Variants in GLI2 observed in about 807,000 individuals in gnomAD.
GLI2 encodes GLI family zinc finger 2.
A neutral mutation model predicts 78.9 loss-of-function variants in GLI2; 22 were observed. The observed-to-expected ratio is 0.28, with a 90% CI of 0.20 to 0.40. The LOEUF (loss-of-function observed/expected upper bound fraction) is 0.40. GLI2 is among the 10% of genes least tolerant of loss of function. The probability of loss-of-function intolerance (pLI) is 1.00; values close to 1 mark genes in which losing one functional copy is unlikely to be tolerated. For missense variants in GLI2, 2,097 were observed against 2,213.2 expected, an observed-to-expected ratio of 0.95 and a Z score of 1.05; for synonymous variants, 974 against 963.7, an observed-to-expected ratio of 1.01 and a Z score of -0.20.
rs554533870 is a variant in GLI2 at position 120,752,212 on chromosome 2, C to T, written c.-31+15927C>T. 6.6e-5 allele frequency among the ~76,000 whole-genome samples: 10 copies of T among 151,756 alleles called. No homozygotes were observed. The South Asian group carries it at 2.1e-3, about 32-fold the overall frequency. Reference sequence around the variant, plus strand: ...TCTTGGCATTCTATCCACGTGTGTACATGTATGTATATGTGTGTAGATCAT... The same window carrying T: ...TCTTGGCATTCTATCCACGTGTGTATATGTATGTATATGTGTGTAGATCAT... On this transcript the variant is annotated intron_variant, in intron 1 of 13. Coordinates refer to ENST00000361492, the MANE Select transcript of GLI2 (RefSeq NM_001374353.1).
intron 2 of GLI2, among the ~76,000 whole-genome samples, chr2:120,906,402 C>G (rs549514982): frequency 6.6e-6 from 1 of 152,174 alleles, no homozygotes; most frequent in Non-Finnish European, 1.5e-5. Flanking sequence ...GTGGAGCACC[C>G]AGGGTCCAGA....
chr2:120,925,933 C>T lies in GLI2; in HGVS notation c.149-1428C>T, dbSNP rs775274985. Among the ~76,000 whole-genome samples, 91 of 151,964 alleles carry T rather than the reference C, an allele frequency of 6.0e-4. No individual in the cohort carries two copies. In the Middle Eastern group the frequency reaches 0.01, roughly 17 times the overall value. ...TAAAAATACAAAAAAATTAGCCGGG[C>T]GTGGTGTCGGGCACCTGTGGTCCCA... On this transcript the variant is annotated intron_variant, in intron 2 of 13. Transcript: ENST00000361492.
At chr2:120,840,657 A>G (rs926267383) in intron 2 of GLI2, among the ~76,000 whole-genome samples, 36 of 152,136 alleles carry the variant, frequency 2.4e-4, no homozygotes, top group African/African-American at 8.0e-4. Flanking sequence ...GGCTACAAAC[A>G]CTCAGAAGAT....
rs1683283797 is a variant in GLI2 at position 120,991,240 on chromosome 2, C to G, written c.*565C>G. ...AGATTATACCTGGATGATTCAGGAGCACATTCTGATTCCAGGTTTGGTAGA... is the reference window on the plus strand; with the variant it reads ...AGATTATACCTGGATGATTCAGGAGGACATTCTGATTCCAGGTTTGGTAGA... On this transcript the variant is annotated 3_prime_UTR_variant, in exon 14 of 14. Transcript: ENST00000361492. 6.5e-6 allele frequency: 1 copy of G among 153,188 alleles called. No individual in the cohort carries two copies. Among genetic ancestry groups the G allele is most frequent in the Non-Finnish European group, 1.5e-5 (1 of 68,770 alleles). 9.5% of individuals were successfully genotyped at this position (153,188 alleles called of 1,614,324 possible). A position where few individuals can be genotyped will look rare whatever the true frequency, so the allele number is the denominator to read the frequency against.
intron 2 of GLI2, among the ~76,000 whole-genome samples, chr2:120,881,459 T>TG (rs1677117859): frequency 2.5e-5 from 1 of 40,590 alleles, no homozygotes; most frequent in Non-Finnish European, 4.8e-5. Context: ...CTGTGGAAGG[T>TG]GGACAGGTTG....
At position 120,978,457 on chromosome 2, in the gene GLI2, C is replaced by T. The variant is rs758989556; in HGVS notation, c.1341C>T (p.His447=). The T allele has an allele frequency of 7.4e-6, 12 of 1,614,156 alleles. No homozygotes were observed. The highest frequency in any genetic ancestry group is 2.2e-5 in the East Asian group (1 of 44,880). Residue 447 remains histidine, a synonymous_variant, in exon 10 of 14, where the codon CAC becomes CAT. Coordinates refer to ENST00000361492, the MANE Select transcript of GLI2 (RefSeq NM_001374353.1). ...AGCACATCAACAACGAGCACATCCA[C>T]GGGGAGAAGAAGGAGTTTGTGTGCC... The part of the protein sequence containing the change: ...LVHHINNEHI[H]GEKKEFVCRW...
At chr2:120,940,086 G>A (rs1680383047) in intron 3 of GLI2, among the ~76,000 whole-genome samples, 1 of 152,140 alleles carries the variant, frequency 6.6e-6, no homozygotes, top group South Asian at 2.1e-4. Flanking sequence ...GGAAATGTCT[G>A]TTGGGCTATT....
intron 1 of GLI2, among the ~76,000 whole-genome samples, chr2:120,783,608 C>T (rs1558793823): frequency 6.6e-6 from 1 of 151,964 alleles, no homozygotes; most frequent in Admixed American, 6.6e-5. Context: ...AGTGTCATGC[C>T]AAGAAACCAC....
chr2:120,782,931 T>C (rs1002845055), intron 1 of GLI2, among the ~76,000 whole-genome samples: 1 of 152,144 alleles, frequency 6.6e-6, no homozygotes, highest in African/African-American at 2.4e-5. Context: ...GGGACCTCCA[T>C]GAGGCTCCCC....
intron 2 of GLI2, among the ~76,000 whole-genome samples, chr2:120,879,745 G>A (rs1677020374): frequency 1.3e-5 from 2 of 152,210 alleles, no homozygotes; most frequent in African/African-American, 4.8e-5. Context: ...GGAGTTTGTG[G>A]ACGAAAAGCA....
intron 10 of GLI2, among the ~76,000 whole-genome samples, chr2:120,981,031 C>A (rs1022294515): frequency 1.3e-5 from 2 of 152,158 alleles, no homozygotes; most frequent in African/African-American, 4.8e-5. Context: ...CAGGCACGCA[C>A]CACACGCCTG....
chr2:120,921,884 C>T (rs889153708), intron 2 of GLI2, among the ~76,000 whole-genome samples: 1 of 152,226 alleles, frequency 6.6e-6, no homozygotes, highest in Non-Finnish European at 1.5e-5. Flanking sequence ...AGCCTTCATG[C>T]TGAAATCACT....
intron 2 of GLI2, among the ~76,000 whole-genome samples, chr2:120,917,798 G>A (rs980589819): frequency 1.3e-5 from 2 of 152,172 alleles, no homozygotes; most frequent in South Asian, 2.1e-4. Context: ...CCTTTTAAAC[G>A]GAATTCACAA....
Position 120,988,749 on chromosome 2 carries a change from C to T in GLI2, c.2784C>T (p.Thr928=). ...LGPRRGSDGP[T]YGHGHAGAAP... Reference sequence around the variant, plus strand: ...CGCGGCGTGGCAGCGACGGGCCGACCTATGGCCACGGCCACGCGGGGGCTG... The same window carrying T: ...CGCGGCGTGGCAGCGACGGGCCGACTTATGGCCACGGCCACGCGGGGGCTG... Residue 928 remains threonine, a synonymous_variant, in exon 14 of 14, where the codon ACC becomes ACT. Transcript: ENST00000361492. 4.1e-6 allele frequency: 5 copies of T among 1,230,450 alleles called. No homozygotes were observed. In the South Asian group the frequency reaches 1.2e-4, roughly 28 times the overall value. 76.2% of individuals were successfully genotyped at this position (1,230,450 alleles called of 1,614,324 possible).
chr2:120,864,406 G>A (rs1369833625), intron 2 of GLI2, among the ~76,000 whole-genome samples: 1 of 152,206 alleles, frequency 6.6e-6, no homozygotes, highest in Non-Finnish European at 1.5e-5. Context: ...GAGCCCATGT[G>A]TCTCGATGGC....
chr2:120,939,643 C>A (rs145516836), intron 3 of GLI2, among the ~76,000 whole-genome samples: 150 of 152,310 alleles, frequency 9.8e-4, no homozygotes, highest in African/African-American at 2.9e-3. Flanking sequence ...GCTCTTCATT[C>A]ATTTGGGCTG....
At chr2:120,772,810 A>C (rs557344994) in intron 1 of GLI2, among the ~76,000 whole-genome samples, 82 of 152,374 alleles carry the variant, frequency 5.4e-4, no homozygotes, top group African/African-American at 1.7e-3. Flanking sequence ...GGTAAGAGGC[A>C]CATTTCCTTC....
At chr2:120,983,866 C>A (rs1682829443) in intron 11 of GLI2, among the ~76,000 whole-genome samples, 1 of 152,028 alleles carries the variant, frequency 6.6e-6, no homozygotes, top group African/African-American at 2.4e-5. Flanking sequence ...GGACAAGAGC[C>A]AGCCTTAGAG....
At chr2:120,749,587 T>C (rs1682804268) in intron 1 of GLI2, among the ~76,000 whole-genome samples, 1 of 152,220 alleles carries the variant, frequency 6.6e-6, no homozygotes, top group South Asian at 2.1e-4. Context: ...CCATTGTGCC[T>C]CTCTGGGTCT....
Sources: allele counts gnomAD v4.1 joint callset (sites outside exome capture counted in the v4.1 genomes callset), GRCh38; gene constraint gnomAD v4.1.1; transcripts MANE v1.5; gene names NCBI Gene and HGNC (gene_info 2026-07-23, HGNC 2026-07-21).